The following NR4A1 variants were observed in gnomAD, a reference collection of about 807,000 sequenced individuals.
NR4A1 encodes the protein nuclear receptor subfamily 4 group A member 1.
In NR4A1, 24 loss-of-function variants were observed where a neutral mutation model predicts 47.5. That is an observed-to-expected ratio of 0.50 (90% CI 0.37 to 0.71). NR4A1 has a LOEUF of 0.71. Ranked by LOEUF, NR4A1 falls within the 30% of genes least tolerant of loss-of-function variation. The probability of loss-of-function intolerance (pLI) is 0.00; values close to 1 mark genes in which losing one functional copy is unlikely to be tolerated. For synonymous variants in NR4A1, 353 were observed against 345.7 expected (o/e 1.02, Z -0.24); for missense variants, 669 against 788.6 (o/e 0.85, Z 1.82).
chr12:52,048,431 A>G (rs1938758926), upstream of NR4A1, among the ~76,000 whole-genome samples: 1 of 151,930 alleles, frequency 6.6e-6, no homozygotes, highest in South Asian at 2.1e-4. Flanking sequence ...CGTCTCTGCT[A>G]AAAATACAAA....
upstream of NR4A1, among the ~76,000 whole-genome samples, chr12:52,048,376 C>T (rs1938753212): frequency 6.6e-6 from 1 of 151,920 alleles, no homozygotes; most frequent in Admixed American, 6.6e-5. Context: ...GGGCAGATCA[C>T]AAGGTCAGGA....
intron 1 of NR4A1, among the ~76,000 whole-genome samples, chr12:52,036,483 C>T (rs1938239151): frequency 1.3e-5 from 2 of 152,192 alleles, no homozygotes; most frequent in Admixed American, 1.3e-4. Context: ...GGTGGATAAT[C>T]TGATCATATC....
upstream of NR4A1, among the ~76,000 whole-genome samples, chr12:52,048,369 C>T (rs570848362): frequency 1.3e-3 from 190 of 150,580 alleles, no homozygotes; most frequent in Middle Eastern, 3.5e-3. Context: ...CCAAGGCGGG[C>T]AGATCACAAG....
intron 2 of NR4A1, chr12:52,041,950 C>T: frequency 1.5e-6 from 2 of 1,355,126 alleles, no homozygotes; most frequent in Non-Finnish European, 1.9e-6. Flanking sequence ...TGCTATTGTC[C>T]TTTGTACACC....
At chr12:52,038,558 G>A (rs912109273) in intron 1 of NR4A1, 1 of 613,812 alleles carries the variant, frequency 1.6e-6, no homozygotes, top group Non-Finnish European at 3.0e-6. Context: ...ATGGATTTGG[G>A]GGCTGTCGTC....
chr12:52,041,193 T>G (rs1253390013), intron 1 of NR4A1, among the ~76,000 whole-genome samples: 1 of 152,208 alleles, frequency 6.6e-6, no homozygotes, highest in African/African-American at 2.4e-5. Flanking sequence ...TTAACTTTTT[T>G]TTAAGCCTGC....
chr12:52,043,142 C>T (rs1938500415), intron 2 of NR4A1, among the ~76,000 whole-genome samples: 1 of 152,178 alleles, frequency 6.6e-6, no homozygotes, highest in Non-Finnish European at 1.5e-5. Context: ...CTCCTGATGG[C>T]AGCAGGTGCT....
upstream of NR4A1, among the ~76,000 whole-genome samples, chr12:52,049,165 A>G (rs770978808): frequency 6.6e-6 from 1 of 152,186 alleles, no homozygotes; most frequent in East Asian, 1.9e-4. Flanking sequence ...CAGGACCCCA[A>G]CTTGTACTGC....
intron 6 of NR4A1, chr12:52,058,335 G>A (rs908828261): frequency 3.8e-6 from 1 of 265,458 alleles, no homozygotes; most frequent in South Asian, 9.6e-5. Flanking sequence ...GGTACTCTGG[G>A]CTGAGGGAGT....
chr12:52,025,798 C>G (rs1283177), intron 1 of NR4A1, among the ~76,000 whole-genome samples: 60,027 of 152,068 alleles, frequency 0.39, 12,537 homozygotes, highest in Non-Finnish European at 0.46. Context: ...ACCTTCCTCC[C>G]TTATAAGAGG....
intron 2 of NR4A1, 92 bp from the exon 3 acceptor site, chr12:52,055,938 A>C: frequency 1.4e-6 from 1 of 707,018 alleles, no homozygotes; most frequent in Non-Finnish European, 2.1e-6. Context: ...TTTGTCTGCA[A>C]TGGCAGCAGG....
chr12:52,046,968 A>G (rs934303112), upstream of NR4A1, among the ~76,000 whole-genome samples: 5 of 152,144 alleles, frequency 3.3e-5, no homozygotes, highest in African/African-American at 1.2e-4. Flanking sequence ...CAAGGTCCTT[A>G]TATGGGGTCG....
intron 2 of NR4A1, chr12:52,044,030 G>A (rs1323244325): frequency 5.2e-6 from 4 of 767,416 alleles, no homozygotes; most frequent in African/African-American, 1.8e-5. Flanking sequence ...AAGGGTGGCC[G>A]ACAACTGGAG....
chr12:52,032,500 G>A (rs1938147849), intron 1 of NR4A1, among the ~76,000 whole-genome samples: 2 of 152,140 alleles, frequency 1.3e-5, no homozygotes, highest in African/African-American at 4.8e-5. Flanking sequence ...CATCCTATTG[G>A]TTCTGTTTCT....
intron 6 of NR4A1, 131 bp downstream of exon 6, chr12:52,057,661 G>C: frequency 1.0e-6 from 1 of 994,134 alleles, no homozygotes. Context: ...CACTGCCCCG[G>C]GCTCATGCCA....
chr12:52,049,286 C>T (rs1325807476), upstream of NR4A1, among the ~76,000 whole-genome samples: 1 of 152,154 alleles, frequency 6.6e-6, no homozygotes, highest in African/African-American at 2.4e-5. Flanking sequence ...ATCCCCAAAT[C>T]CCCATATGAG....
Position 52,058,898 on chromosome 12 carries a change from C to T in NR4A1, c.1751C>T (p.Pro584Leu), listed in dbSNP as rs1170492413. 1.9e-6 allele frequency: 3 copies of T among 1,613,878 alleles called. No individual in the cohort carries two copies. Among genetic ancestry groups the T allele is most frequent in the Admixed American group, 1.7e-5 (1 of 60,020 alleles). The change falls in exon 7 of 7, where the codon CCT becomes CTT. Residue 584 changes from proline (P) to leucine (L), a missense_variant. Pro to Leu is a moderately conservative substitution (Grantham distance 98, BLOSUM62 -3). Coordinates refer to ENST00000394825, the MANE Select transcript of NR4A1 (RefSeq NM_173157.3). The stretch of plus-strand genomic sequence containing the variant: ...CTCAAGCTGGAGGACTTGGTGCCCC[C>T]TCCACCCATCATTGACAAGATCTTC... ...FYLKLEDLVP[P>L]PPIIDKIFMD...
intron 3 of NR4A1, 45 bp downstream of exon 3, chr12:52,056,204 G>A (rs1230159731): frequency 2.6e-6 from 4 of 1,548,092 alleles, no homozygotes; most frequent in South Asian, 1.2e-5. Flanking sequence ...GTAGGCTTGA[G>A]TGGAGTGGGA....
chr12:52,056,350 G>A, intron 3 of NR4A1, 144 bp from the exon 4 acceptor site: 2 of 1,371,836 alleles, frequency 1.5e-6, no homozygotes, highest in South Asian at 1.4e-5. Context: ...GGCAGGGGGA[G>A]GTTCCTATAG....
Sources: allele counts gnomAD v4.1 joint callset (sites outside exome capture counted in the v4.1 genomes callset), GRCh38; gene constraint gnomAD v4.1.1; transcripts MANE v1.5; gene names NCBI Gene and HGNC (gene_info 2026-07-23, HGNC 2026-07-21).